GLG1: variants seen among roughly 807,000 people sequenced by gnomAD.
GLG1 encodes golgi glycoprotein 1.
In GLG1, 38 loss-of-function variants were observed where a neutral mutation model predicts 160.5. The ratio of observed to expected loss-of-function variants is 0.24; its 90% CI spans 0.18 to 0.31. The LOEUF is 0.31. GLG1 is among the 10% of genes least tolerant of loss of function. The pLI, the probability that GLG1 is intolerant of heterozygous loss-of-function variation, is 1.00. For missense variants in GLG1, 1,373 were observed against 1,505.2 expected (o/e 0.91, Z 1.45); for synonymous variants, 644 against 543.4 (o/e 1.19, Z -2.57).
At chr16:74,551,814 G>C (rs886747436) in intron 1 of GLG1, among the ~76,000 whole-genome samples, 28 of 151,922 alleles carry the variant, frequency 1.8e-4, no homozygotes, top group East Asian at 3.9e-4. Flanking sequence ...AGTGGGGAAG[G>C]TATCTTTTTA....
chr16:74,459,427 C>T (rs1436873955), intron 23 of GLG1, among the ~76,000 whole-genome samples: 1 of 152,094 alleles, frequency 6.6e-6, no homozygotes, highest in Non-Finnish European at 1.5e-5. Context: ...GCAGTGAGAT[C>T]ACGCCACTGC....
intron 4 of GLG1, among the ~76,000 whole-genome samples, chr16:74,499,766 G>A (rs912665467): frequency 6.6e-6 from 1 of 152,176 alleles, no homozygotes; most frequent in Non-Finnish European, 1.5e-5. Context: ...CGCTTTGGGA[G>A]GCCGAGGCAG....
chr16:74,458,521 A>T (rs149154908), intron 23 of GLG1, among the ~76,000 whole-genome samples: 76 of 151,524 alleles, frequency 5.0e-4, no homozygotes, highest in African/African-American at 1.6e-3. Flanking sequence ...AAAATTATTT[A>T]AAAAAAAATT....
intron 6 of GLG1, 58 bp downstream of exon 6, chr16:74,494,702 G>C: frequency 1.2e-6 from 1 of 818,096 alleles, no homozygotes; most frequent in Non-Finnish European, 2.1e-6. Context: ...ACCGTGTCTG[G>C]CTGAGAAAGC....
rs1445455510 is a variant in GLG1, at chr16:74,451,728, C to T, written c.*1439G>A. The T allele has an allele frequency of 6.2e-6, 2 of 320,260 alleles. No homozygotes were observed. Among genetic ancestry groups the T allele is most frequent in the Non-Finnish European group, 1.2e-5 (2 of 166,434 alleles). 19.8% of individuals were successfully genotyped at this position (320,260 alleles called of 1,614,324 possible). A position where few individuals can be genotyped will look rare whatever the true frequency, so the allele number is the denominator to read the frequency against. ...TGTGCAGCCACTGTGATCTCATGCC[C>T]CAAACTCAACCAAAGGAGTGCCACG... On this transcript the variant is annotated 3_prime_UTR_variant, in exon 26 of 26. Coordinates refer to ENST00000422840, the MANE Select transcript of GLG1 (RefSeq NM_001145667.2).
Position 74,447,609 on chromosome 16 carries a change from CTTG to C in GLG1, c.*5555_*5557del, listed in dbSNP as rs2014118479. 6.6e-6 allele frequency: 1 copy of C among 152,210 alleles called. No individual in the cohort carries two copies. The highest frequency in any genetic ancestry group is 1.5e-5 in the Non-Finnish European group (1 of 68,032). The allele number at this position is 152,210 out of a possible 1,614,324, so 9.4% of individuals were successfully genotyped here. A position where few individuals can be genotyped will look rare whatever the true frequency, so the allele number is the denominator to read the frequency against. Reference sequence around the variant, plus strand: ...AAAGGAAACCCATTTACAAAAGAGGCTTGTTAATTGTATTTTTTTCTTTCTTTC... The same window carrying C: ...AAAGGAAACCCATTTACAAAAGAGGCTTAATTGTATTTTTTTCTTTCTTTC... On this transcript the variant is annotated 3_prime_UTR_variant, in exon 26 of 26. Coordinates refer to ENST00000422840, the MANE Select transcript of GLG1 (RefSeq NM_001145667.2).
chr16:74,542,484 C>A (rs1214135059), intron 1 of GLG1, among the ~76,000 whole-genome samples: 1 of 151,914 alleles, frequency 6.6e-6, no homozygotes, highest in East Asian at 1.9e-4. Flanking sequence ...GCGTGGCCAA[C>A]GTGGTGAAAC....
chr16:74,453,734 G>A (rs1200426649), intron 25 of GLG1, among the ~76,000 whole-genome samples: 2 of 152,198 alleles, frequency 1.3e-5, no homozygotes, highest in African/African-American at 4.8e-5. Flanking sequence ...GTGCCCAGGG[G>A]TGAGTGTGGT....
At chr16:74,513,211 G>A (rs961557077) in intron 2 of GLG1, among the ~76,000 whole-genome samples, 2 of 152,136 alleles carry the variant, frequency 1.3e-5, no homozygotes, top group African/African-American at 4.8e-5. Context: ...GATTTAGGGA[G>A]GTTAGTAGAC....
chr16:74,480,157 T>C, intron 11 of GLG1, 84 bp downstream of exon 11: 1 of 1,141,864 alleles, frequency 8.8e-7, no homozygotes, highest in Non-Finnish European at 1.3e-6. Context: ...TTTCCTAATA[T>C]GACTGAAATC....
chr16:74,591,902 G>A (rs945301036), intron 1 of GLG1, among the ~76,000 whole-genome samples: 3 of 152,168 alleles, frequency 2.0e-5, no homozygotes, highest in African/African-American at 7.2e-5. Flanking sequence ...ATACGTGGGA[G>A]CAGAGTTTTC....
rs370822676 is a variant in GLG1, at chr16:74,532,548, G to C, written c.439-395C>G. Among the ~76,000 whole-genome samples, 60 of 152,034 alleles carry C rather than the reference G, an allele frequency of 3.9e-4. No homozygotes were observed. The East Asian group carries it at 0.011, about 29-fold the overall frequency. Reference sequence around the variant, plus strand: ...TTTATTTTTTATTTTTTTTGAGACAGGGTCTCACTCTGTCACCCAGGCTGC... The same window carrying C: ...TTTATTTTTTATTTTTTTTGAGACACGGTCTCACTCTGTCACCCAGGCTGC... On this transcript the variant is annotated intron_variant, in intron 1 of 25. Coordinates refer to ENST00000422840, the MANE Select transcript of GLG1 (RefSeq NM_001145667.2).
intron 9 of GLG1, among the ~76,000 whole-genome samples, chr16:74,483,373 G>T (rs2015675183): frequency 6.6e-6 from 1 of 152,094 alleles, no homozygotes; most frequent in Admixed American, 6.6e-5. Flanking sequence ...TTTTTAACTG[G>T]TTATGAAAAC....
At chr16:74,504,943 G>A (rs1355899380) in intron 3 of GLG1, among the ~76,000 whole-genome samples, 1 of 152,190 alleles carries the variant, frequency 6.6e-6, no homozygotes, top group African/African-American at 2.4e-5. Context: ...ATAAAACAGA[G>A]AAGGGTGTTT....
intron 1 of GLG1, among the ~76,000 whole-genome samples, chr16:74,582,200 C>T (rs1387860966): frequency 6.6e-6 from 1 of 152,104 alleles, no homozygotes; most frequent in Non-Finnish European, 1.5e-5. Flanking sequence ...GACTTCCGCT[C>T]TTATTGCCCA....
chr16:74,463,487 GA>G lies in GLG1; in HGVS notation c.2668-9del. 6 of 1,613,384 alleles carry G rather than the reference GA, an allele frequency of 3.7e-6. No individual in the cohort carries two copies. The highest frequency in any genetic ancestry group is 5.1e-6 in the Non-Finnish European group (6 of 1,179,676). ...TGCTTCCGGACAGAACCTCTGCAAA[GA>G]AACAGTTTGATAAAAACAGCTATCT... On this transcript the variant is annotated splice_polypyrimidine_tract_variant and intron_variant, in intron 19 of 25. Transcript: ENST00000422840.
chr16:74,605,518 G>A (rs1958546033), intron 1 of GLG1, among the ~76,000 whole-genome samples: 1 of 152,134 alleles, frequency 6.6e-6, no homozygotes, highest in Non-Finnish European at 1.5e-5. Context: ...CCCTCTAGTC[G>A]TTAAGCTGAA....
At chr16:74,488,040 C>A (rs1469264247) in intron 8 of GLG1, among the ~76,000 whole-genome samples, 1 of 152,132 alleles carries the variant, frequency 6.6e-6, no homozygotes, top group Non-Finnish European at 1.5e-5. Flanking sequence ...CTTACTCAGC[C>A]ATGAACGAAG....
intron 19 of GLG1, 23 bp downstream of exon 19, chr16:74,465,653 G>A (rs1237818564): frequency 6.2e-6 from 10 of 1,610,186 alleles, no homozygotes; most frequent in Admixed American, 1.7e-5. Context: ...ATCCGTGCTC[G>A]GCCTTTGGTG....
Sources: gnomAD v4.1 joint callset for allele counts (sites outside exome capture counted in the v4.1 genomes callset) on GRCh38, gnomAD v4.1.1 for gene constraint, MANE v1.5 for transcripts, NCBI Gene and HGNC (gene_info 2026-07-23, HGNC 2026-07-21) for gene names.